The following PPME1 variants were observed in gnomAD, a reference collection of about 807,000 sequenced individuals.
PPME1 encodes the protein testicular secretory protein Li 39.
A neutral mutation model predicts 56.9 loss-of-function variants in PPME1; 17 were observed. That is an observed-to-expected ratio of 0.30 (90% CI 0.20 to 0.45). The LOEUF is 0.45. PPME1 is among the 20% of genes least tolerant of loss of function. The pLI is 1.00. For missense variants in PPME1, 357 were observed against 483.2 expected (o/e 0.74, Z 2.45); for synonymous variants, 122 against 156.2 (o/e 0.78, Z 1.63).
At chr11:74,172,136 A>AGAAT (rs1176957919) in intron 1 of PPME1, among the ~76,000 whole-genome samples, 1 of 152,164 alleles carries the variant, frequency 6.6e-6, no homozygotes, top group Non-Finnish European at 1.5e-5. Context: ...CTCTTAAGGG[A>AGAAT]GAATGAGAAA....
rs763251745 is a variant in PPME1 at position 74,237,275 on chromosome 11, C to CTTTTTTTTTTTTTTTTTTT, written c.710+1327_710+1328insTTTTTTTTTTTTTTTTTTT. Among the ~76,000 whole-genome samples the CTTTTTTTTTTTTTTTTTTT allele has an allele frequency of 1.1e-4, 14 of 128,014 alleles. 3 individuals carry two copies. The highest frequency in any genetic ancestry group is 4.2e-4 in the African/African-American group (13 of 30,790). 84.0% of individuals were successfully genotyped at this position (128,014 alleles called of 152,430 possible). On this transcript the variant is annotated intron_variant, in intron 8 of 13. Transcript: ENST00000328257. Reference sequence around the variant, plus strand: ...CAGGAAGTACATAATGTCTGGTTGTCTTTTTTTTTTTTTTTTTTGAGACAG... The same window carrying CTTTTTTTTTTTTTTTTTTT: ...CAGGAAGTACATAATGTCTGGTTGTCTTTTTTTTTTTTTTTTTTTTTTTTTTTTTTTTTTTTTGAGACAG...
At chr11:74,174,325 A>G (rs1857356751) in intron 1 of PPME1, among the ~76,000 whole-genome samples, 1 of 152,188 alleles carries the variant, frequency 6.6e-6, no homozygotes, top group African/African-American at 2.4e-5. Flanking sequence ...CATAATTGTC[A>G]TCTGGGGATA....
intron 1 of PPME1, among the ~76,000 whole-genome samples, chr11:74,200,102 G>A (rs1858112109): frequency 6.6e-6 from 1 of 152,138 alleles, no homozygotes; most frequent in South Asian, 2.1e-4. Flanking sequence ...TTGAGGGGGG[G>A]AAGTTAGTAA....
intron 1 of PPME1, among the ~76,000 whole-genome samples, chr11:74,186,295 C>G (rs1049807179): frequency 1.3e-5 from 2 of 152,138 alleles, no homozygotes; most frequent in Admixed American, 6.5e-5. Flanking sequence ...GGTGCTCAAC[C>G]TTGCTACAAG....
chr11:74,220,906 A>T (rs1735147324), intron 3 of PPME1, among the ~76,000 whole-genome samples: 1 of 152,160 alleles, frequency 6.6e-6, no homozygotes, highest in African/African-American at 2.4e-5. Flanking sequence ...AGCATGTGTT[A>T]GTCTGTGAAT....
At chr11:74,214,850 G>A (rs1167219680) in intron 3 of PPME1, among the ~76,000 whole-genome samples, 1 of 152,094 alleles carries the variant, frequency 6.6e-6, no homozygotes, top group Non-Finnish European at 1.5e-5. Flanking sequence ...TGAAAGAAAA[G>A]GACATTAATG....
intron 3 of PPME1, among the ~76,000 whole-genome samples, chr11:74,221,458 CTTGTT>C (rs1858798403): frequency 6.6e-6 from 1 of 152,072 alleles, no homozygotes; most frequent in Non-Finnish European, 1.5e-5. Flanking sequence ...AAGAATCTGA[CTTGTT>C]TTGTGATTTA....
intron 1 of PPME1, among the ~76,000 whole-genome samples, chr11:74,199,388 A>G (rs1285769326): frequency 6.6e-6 from 1 of 152,242 alleles, no homozygotes; most frequent in Admixed American, 6.5e-5. Flanking sequence ...TAATTGTCCC[A>G]GCATCCCCCA....
At chr11:74,188,589 A>G (rs1269533206) in intron 1 of PPME1, among the ~76,000 whole-genome samples, 1 of 152,174 alleles carries the variant, frequency 6.6e-6, no homozygotes, top group African/African-American at 2.4e-5. Context: ...TGATTTTTAT[A>G]TAATTATCTC....
intron 1 of PPME1, among the ~76,000 whole-genome samples, chr11:74,182,872 T>A (rs1414137998): frequency 6.6e-6 from 1 of 151,984 alleles, no homozygotes; most frequent in South Asian, 2.1e-4. Context: ...AAAGTAAGGC[T>A]GAGGCCAGGC....
intron 3 of PPME1, among the ~76,000 whole-genome samples, chr11:74,217,680 A>G (rs952836498): frequency 6.6e-6 from 1 of 152,136 alleles, no homozygotes; most frequent in East Asian, 1.9e-4. Context: ...GACAAAAACC[A>G]TATGATCATT....
At chr11:74,242,312 C>G (rs768804229) in intron 9 of PPME1, among the ~76,000 whole-genome samples, 1 of 152,162 alleles carries the variant, frequency 6.6e-6, no homozygotes, top group Admixed American at 6.5e-5. Flanking sequence ...TTTCTGAACT[C>G]TGAATTCTAT....
At chr11:74,182,022 C>T (rs1346164693) in intron 1 of PPME1, among the ~76,000 whole-genome samples, 1 of 152,154 alleles carries the variant, frequency 6.6e-6, no homozygotes, top group Non-Finnish European at 1.5e-5. Context: ...TGATCCTGGG[C>T]CATGCAAAAA....
At chr11:74,182,818 T>C (rs1030246324) in intron 1 of PPME1, among the ~76,000 whole-genome samples, 7 of 152,050 alleles carry the variant, frequency 4.6e-5, no homozygotes, top group African/African-American at 1.7e-4. Context: ...GAGGCGTGGG[T>C]GTTCAATCGG....
intron 1 of PPME1, among the ~76,000 whole-genome samples, chr11:74,199,799 A>G (rs1002217988): frequency 3.9e-5 from 6 of 152,226 alleles, no homozygotes; most frequent in Admixed American, 2.0e-4. Context: ...GGAAATAGGC[A>G]TGTCTTACAT....
In PPME1 at chr11:74,253,825, C is replaced by G. The variant is rs1366226052; in HGVS notation, c.*315C>G. On this transcript the variant is annotated 3_prime_UTR_variant, in exon 14 of 14. Transcript: ENST00000328257. ...CCTCCAGATTTGCCATACTGAGCCC[C>G]TCTTCCTAGCATCAGGCGATACATC... 2.0e-6 allele frequency: 1 copy of G among 506,920 alleles called. No homozygotes were observed. Among genetic ancestry groups the G allele is most frequent in the Non-Finnish European group, 3.5e-6 (1 of 285,304 alleles). 31.4% of individuals were successfully genotyped at this position (506,920 alleles called of 1,614,324 possible). A position where few individuals can be genotyped will look rare whatever the true frequency, so the allele number is the denominator to read the frequency against.
At chr11:74,207,349 C>T (rs988578421) in intron 3 of PPME1, among the ~76,000 whole-genome samples, 1 of 152,166 alleles carries the variant, frequency 6.6e-6, no homozygotes, top group South Asian at 2.1e-4. Flanking sequence ...TCCCCCAAAT[C>T]CAGATTCACC....
intron 11 of PPME1, 36 bp downstream of exon 11, chr11:74,247,159 TC>T (rs746743430): frequency 1.3e-5 from 20 of 1,565,008 alleles, no homozygotes; most frequent in Non-Finnish European, 2.6e-6. Flanking sequence ...TGGACCCTTT[TC>T]TGAAGAAAGG....
intron 1 of PPME1, among the ~76,000 whole-genome samples, chr11:74,172,252 G>A (rs1214312380): frequency 1.3e-5 from 2 of 151,768 alleles, no homozygotes; most frequent in African/African-American, 2.4e-5. Flanking sequence ...GAGAGAAGAA[G>A]GAGAGGACTG....
Sources: gnomAD v4.1 joint callset for allele counts (sites outside exome capture counted in the v4.1 genomes callset) on GRCh38, gnomAD v4.1.1 for gene constraint, MANE v1.5 for transcripts, NCBI Gene and HGNC (gene_info 2026-07-23, HGNC 2026-07-21) for gene names.